The following SUPT3H variants were observed in gnomAD, a reference collection of about 807,000 sequenced individuals.
SUPT3H encodes SPT3 homolog, SAGA and STAGA complex component.
Under a neutral mutation model 44.3 loss-of-function variants are expected in SUPT3H, and 44 were observed. The ratio of observed to expected loss-of-function variants is 0.99; its 90% CI spans 0.78 to 1.28. The LOEUF (loss-of-function observed/expected upper bound fraction) is 1.28. SUPT3H is among the 50% of genes most tolerant of loss of function. The pLI, the probability that SUPT3H is intolerant of heterozygous loss-of-function variation, is 0.00. For missense variants in SUPT3H, 380 were observed against 387.1 expected, an observed-to-expected ratio of 0.98 and a Z score of 0.15; for synonymous variants, 124 against 125.6, an observed-to-expected ratio of 0.99 and a Z score of 0.09.
intron 5 of SUPT3H, among the ~76,000 whole-genome samples, chr6:45,004,743 T>C (rs1288014634): frequency 6.6e-6 from 1 of 152,182 alleles, no homozygotes; most frequent in South Asian, 2.1e-4. Flanking sequence ...TAGAGCTGTT[T>C]TATTCATTTA....
chr6:45,279,211 T>C (rs1432572216), intron 2 of SUPT3H, among the ~76,000 whole-genome samples: 1 of 152,204 alleles, frequency 6.6e-6, no homozygotes, highest in Admixed American at 6.5e-5. Context: ...AATTATGACA[T>C]CTGCAAAATA....
chr6:45,274,672 G>C (rs751420880), intron 2 of SUPT3H, among the ~76,000 whole-genome samples: 1 of 152,188 alleles, frequency 6.6e-6, no homozygotes, highest in Admixed American at 6.5e-5. Flanking sequence ...CTTGAGCCCA[G>C]GAGTTTGAGA....
chr6:45,137,151 A>G (rs1192382603), intron 2 of SUPT3H, among the ~76,000 whole-genome samples: 1 of 152,108 alleles, frequency 6.6e-6, no homozygotes, highest in East Asian at 1.9e-4. Context: ...CAGCAAAACT[A>G]TTTTTTAAAA....
intron 2 of SUPT3H, among the ~76,000 whole-genome samples, chr6:45,208,764 A>G: frequency 6.6e-6 from 1 of 152,084 alleles, no homozygotes; most frequent in Non-Finnish European, 1.5e-5. Flanking sequence ...CAGTGGAAAC[A>G]AAACAACCTT....
chr6:45,196,036 C>T (rs1815958887), intron 2 of SUPT3H, among the ~76,000 whole-genome samples: 1 of 152,076 alleles, frequency 6.6e-6, no homozygotes, highest in South Asian at 2.1e-4. Context: ...GAAAAGTGAG[C>T]TGACACTAGC....
At chr6:44,877,468 C>CAAA (rs5875897) in intron 10 of SUPT3H, among the ~76,000 whole-genome samples, 29 of 122,440 alleles carry the variant, frequency 2.4e-4, no homozygotes, top group Non-Finnish European at 2.7e-4. Flanking sequence ...GACTCAGTCT[C>CAAA]AAAAAAAAAA....
intron 2 of SUPT3H, among the ~76,000 whole-genome samples, chr6:45,245,105 T>C (rs1771108604): frequency 6.6e-6 from 1 of 152,154 alleles, no homozygotes; most frequent in African/African-American, 2.4e-5. Context: ...AGATCATAAA[T>C]ATTTTCTACA....
chr6:45,189,256 G>A (rs2063004971), intron 2 of SUPT3H, among the ~76,000 whole-genome samples: 1 of 152,194 alleles, frequency 6.6e-6, no homozygotes, highest in Admixed American at 6.5e-5. Flanking sequence ...CAGATAATTA[G>A]TGTATCACTT....
At chr6:45,006,357 T>C (rs1782714193) in intron 5 of SUPT3H, among the ~76,000 whole-genome samples, 2 of 152,104 alleles carry the variant, frequency 1.3e-5, no homozygotes, top group African/African-American at 4.8e-5. Context: ...TTTCATATTC[T>C]TGTTTTTTCC....
intron 10 of SUPT3H, among the ~76,000 whole-genome samples, chr6:44,886,962 G>C (rs1762403872): frequency 6.6e-6 from 1 of 152,142 alleles, no homozygotes; most frequent in African/African-American, 2.4e-5. Context: ...GGCAGGGGTT[G>C]CAATCCTAGT....
At chr6:45,053,876 C>T (rs1397210096) in intron 3 of SUPT3H, among the ~76,000 whole-genome samples, 11 of 147,924 alleles carry the variant, frequency 7.4e-5, no homozygotes, top group African/African-American at 2.8e-4. Flanking sequence ...GGTCACGCCA[C>T]TGCACTCCAG....
At chr6:44,879,109 A>G (rs747495240) in intron 10 of SUPT3H, among the ~76,000 whole-genome samples, 22 of 152,158 alleles carry the variant, frequency 1.4e-4, no homozygotes, top group Admixed American at 9.2e-4. Flanking sequence ...GGCTGAAGCC[A>G]GGGAGCCAAG....
intron 3 of SUPT3H, among the ~76,000 whole-genome samples, chr6:45,040,063 C>T (rs1191443812): frequency 1.3e-5 from 2 of 152,152 alleles, no homozygotes; most frequent in African/African-American, 2.4e-5. Flanking sequence ...CCATCTGCAG[C>T]AGGGTTTGAC....
chr6:45,176,081 C>A (rs1003109899), intron 2 of SUPT3H, among the ~76,000 whole-genome samples: 1 of 152,030 alleles, frequency 6.6e-6, no homozygotes, highest in Admixed American at 6.5e-5. Context: ...GCCAAGATGG[C>A]CGAATAGGAA....
chr6:44,911,070 G>T (rs979481668), intron 10 of SUPT3H, among the ~76,000 whole-genome samples: 71 of 142,214 alleles, frequency 5.0e-4, no homozygotes, highest in African/African-American at 1.7e-3. Context: ...AATTGTTTTT[G>T]ATGAGTTTTT....
At chr6:45,125,480 A>T (rs1430029894) in intron 2 of SUPT3H, among the ~76,000 whole-genome samples, 1 of 152,190 alleles carries the variant, frequency 6.6e-6, no homozygotes, top group African/African-American at 2.4e-5. Context: ...GTAGAAATGC[A>T]TGGGGTCTTA....
chr6:44,949,264 T>C (rs186083052), intron 9 of SUPT3H, among the ~76,000 whole-genome samples: 1 of 151,958 alleles, frequency 6.6e-6, no homozygotes, highest in Non-Finnish European at 1.5e-5. Context: ...TGGGGAGGGA[T>C]AGCATTACGA....
At chr6:45,116,733 T>C (rs930774705) in intron 2 of SUPT3H, among the ~76,000 whole-genome samples, 1 of 152,122 alleles carries the variant, frequency 6.6e-6, no homozygotes, top group Non-Finnish European at 1.5e-5. Context: ...TGAGATATCA[T>C]TTACATACCA....
chr6:44,942,172 C>T (rs1772553905), intron 9 of SUPT3H, among the ~76,000 whole-genome samples: 1 of 152,152 alleles, frequency 6.6e-6, no homozygotes, highest in South Asian at 2.1e-4. Context: ...CTCCTTCTCA[C>T]ATACTTTGTG....
Sources: gnomAD v4.1 joint callset for allele counts (sites outside exome capture counted in the v4.1 genomes callset) on GRCh38, gnomAD v4.1.1 for gene constraint, MANE v1.5 for transcripts, NCBI Gene and HGNC (gene_info 2026-07-23, HGNC 2026-07-21) for gene names.